The following MAGI3 variants were observed in gnomAD, a reference collection of about 807,000 sequenced individuals.
MAGI3 encodes membrane associated guanylate kinase, WW and PDZ domain containing 3.
MAGI3 carries 43 observed loss-of-function variants against 121.8 expected under a neutral mutation model. That is an observed-to-expected ratio of 0.35 (90% CI 0.28 to 0.46). MAGI3 has a LOEUF of 0.46. Ranked by LOEUF, MAGI3 falls within the 20% of genes least tolerant of loss-of-function variation. The pLI, the probability that MAGI3 is intolerant of heterozygous loss-of-function variation, is 1.00. For missense variants in MAGI3, 1,547 were observed against 1,797.3 expected (o/e 0.86, Z 2.52); for synonymous variants, 553 against 639.3 (o/e 0.86, Z 2.04).
chr1:113,460,479 C>T (rs1654974783), intron 1 of MAGI3, among the ~76,000 whole-genome samples: 1 of 152,120 alleles, frequency 6.6e-6, no homozygotes, highest in Non-Finnish European at 1.5e-5. Context: ...AGGAAGTCTT[C>T]TCTGTTTGCA....
At chr1:113,599,501 C>A (rs1025380348) in intron 6 of MAGI3, among the ~76,000 whole-genome samples, 1 of 152,150 alleles carries the variant, frequency 6.6e-6, no homozygotes, top group African/African-American at 2.4e-5. Flanking sequence ...GACACATACA[C>A]CCTCCCAAGA....
Position 113,650,179 on chromosome 1 carries a change from T to C in MAGI3, c.2248-835T>C, listed in dbSNP as rs552219958. 1.2e-4 allele frequency among the ~76,000 whole-genome samples: 19 copies of C among 152,318 alleles called. No homozygotes were observed. In the South Asian group the frequency reaches 3.9e-3, roughly 32 times the overall value. ...AGTATAAATTTGTTCTAATTGGTCATATTGGTTACAGTTACAACAGTCATT... is the reference window on the plus strand; with the variant it reads ...AGTATAAATTTGTTCTAATTGGTCACATTGGTTACAGTTACAACAGTCATT... On this transcript the variant is annotated intron_variant, in intron 13 of 20. Coordinates refer to ENST00000307546, the MANE Select transcript of MAGI3 (RefSeq NM_001142782.2).
chr1:113,459,485 G>T (rs1235810580), intron 1 of MAGI3, among the ~76,000 whole-genome samples: 1 of 152,142 alleles, frequency 6.6e-6, no homozygotes, highest in African/African-American at 2.4e-5. Context: ...TTGAATGACT[G>T]TCTGGCTAAA....
At chr1:113,416,399 T>C (rs58669941) in intron 1 of MAGI3, among the ~76,000 whole-genome samples, 3 of 36,200 alleles carry the variant, frequency 8.3e-5, no homozygotes, top group Admixed American at 2.7e-4. Context: ...TATTAATTAT[T>C]AATTAATTAA....
chr1:113,617,281 T>C (rs1008766873), intron 7 of MAGI3, among the ~76,000 whole-genome samples: 6 of 152,230 alleles, frequency 3.9e-5, no homozygotes, highest in Non-Finnish European at 8.8e-5. Flanking sequence ...ATGTGTCAAA[T>C]TGTGTACTAA....
At chr1:113,630,059 A>G (rs1651528196) in intron 9 of MAGI3, among the ~76,000 whole-genome samples, 1 of 152,040 alleles carries the variant, frequency 6.6e-6, no homozygotes, top group Non-Finnish European at 1.5e-5. Context: ...CCAAGCCGCG[A>G]GTGGATTCAG....
intron 1 of MAGI3, among the ~76,000 whole-genome samples, chr1:113,544,387 T>C (rs192741447): frequency 6.6e-5 from 10 of 152,374 alleles, no homozygotes; most frequent in Admixed American, 3.9e-4. Context: ...GACATCATTG[T>C]AAAGAAGAGA....
intron 3 of MAGI3, chr1:113,580,952 A>G (rs901423295): frequency 5.7e-6 from 1 of 175,790 alleles, no homozygotes. Flanking sequence ...CATCATGTGA[A>G]CTCAGTGAGT....
chr1:113,397,466 G>A (rs1199298049), intron 1 of MAGI3, among the ~76,000 whole-genome samples: 1 of 152,102 alleles, frequency 6.6e-6, no homozygotes, highest in East Asian at 1.9e-4. Context: ...AAGAAGCAGA[G>A]GAGGAGAAAA....
chr1:113,681,601 A>G (rs1357390109), intron 20 of MAGI3, among the ~76,000 whole-genome samples: 2 of 152,246 alleles, frequency 1.3e-5, no homozygotes, highest in East Asian at 3.8e-4. Flanking sequence ...AAATGTACCT[A>G]TTAAAAAAGT....
chr1:113,471,786 A>G (rs745856061), intron 1 of MAGI3, among the ~76,000 whole-genome samples: 5 of 152,202 alleles, frequency 3.3e-5, no homozygotes, highest in Non-Finnish European at 5.9e-5. Context: ...TCATTAGGCT[A>G]TAGGAATTCT....
chr1:113,587,772 T>C (rs1476141541), intron 4 of MAGI3, among the ~76,000 whole-genome samples: 3 of 152,232 alleles, frequency 2.0e-5, no homozygotes, highest in Admixed American at 6.5e-5. Flanking sequence ...CTTGGAACTA[T>C]ATTAAGAAAA....
chr1:113,506,944 A>G (rs1051972617), intron 1 of MAGI3, among the ~76,000 whole-genome samples: 2 of 152,150 alleles, frequency 1.3e-5, no homozygotes, highest in East Asian at 1.9e-4. Flanking sequence ...TGTAAAAAGC[A>G]TCCCAAAACT....
At position 113,682,873 on chromosome 1, in the gene MAGI3, G is replaced by A. The variant is rs12564503; in HGVS notation, c.3329-24G>A. ...ATTTGTAATTCTAAAATTTAATAAT[G>A]TTCCATTCAAATCACTTTTTTAGGT... On this transcript the variant is annotated intron_variant, in intron 20 of 20. Coordinates refer to ENST00000307546, the MANE Select transcript of MAGI3 (RefSeq NM_001142782.2). The A allele has an allele frequency of 1.2e-3, 1,767 of 1,528,548 alleles. 35 individuals are homozygous for A. In the East Asian group the frequency reaches 0.034, roughly 29 times the overall value. 94.7% of individuals were successfully genotyped at this position (1,528,548 alleles called of 1,614,324 possible).
At chr1:113,587,306 A>C (rs931777778) in intron 4 of MAGI3, among the ~76,000 whole-genome samples, 2 of 152,222 alleles carry the variant, frequency 1.3e-5, no homozygotes. Context: ...CACAATTCTC[A>C]TGTCTCAGCC....
At chr1:113,673,186 T>C in intron 18 of MAGI3, 136 bp from the exon 19 acceptor site, 3 of 1,079,714 alleles carry the variant, frequency 2.8e-6, no homozygotes, top group Non-Finnish European at 3.9e-6. Flanking sequence ...AACCAAAACC[T>C]ACATTCCTTC....
At chr1:113,674,391 TAA>T (rs35665087) in intron 19 of MAGI3, among the ~76,000 whole-genome samples, 236 of 124,214 alleles carry the variant, frequency 1.9e-3, no homozygotes, top group Middle Eastern at 4.2e-3. Flanking sequence ...AAACTCCATT[TAA>T]AAAAAAAAAA....
At chr1:113,450,414 G>T (rs1202099389) in intron 1 of MAGI3, 17 of 1,135,316 alleles carry the variant, frequency 1.5e-5, no homozygotes, top group Non-Finnish European at 1.7e-5. Flanking sequence ...TGGAGGTGAT[G>T]GTGGCAACTA....
chr1:113,607,116 G>C (rs2101763182), intron 6 of MAGI3, among the ~76,000 whole-genome samples: 1 of 151,862 alleles, frequency 6.6e-6, no homozygotes, highest in East Asian at 1.9e-4. Flanking sequence ...CATCTTTTAT[G>C]CCAGTGGTTT....
Sources: gnomAD v4.1 joint callset for allele counts (sites outside exome capture counted in the v4.1 genomes callset) on GRCh38, gnomAD v4.1.1 for gene constraint, MANE v1.5 for transcripts, NCBI Gene and HGNC (gene_info 2026-07-23, HGNC 2026-07-21) for gene names.